Variants in DEFB1 observed in about 807,000 individuals in gnomAD.
DEFB1 encodes the protein beta-defensin 1.
A neutral mutation model predicts 2.6 loss-of-function variants in DEFB1; 4 were observed. That is an observed-to-expected ratio of 1.53 (90% CI 0.76 to 3.51). The LOEUF is 3.51. Ranked by LOEUF, DEFB1 falls within the 30% of genes most tolerant of loss-of-function variation. The pLI is 0.01. For missense variants in DEFB1, 162 were observed against 76.9 expected (o/e 2.11, Z -4.14); for synonymous variants, 56 against 28.5 (o/e 1.96, Z -3.07).
chr8:6,873,092 G>T (rs1161117786), intron 1 of DEFB1, among the ~76,000 whole-genome samples: 1 of 152,214 alleles, frequency 6.6e-6, no homozygotes, highest in Non-Finnish European at 1.5e-5. Flanking sequence ...AAGCAGAGGA[G>T]GCCCAAATTT....
At chr8:6,875,570 C>T (rs1312721039) in intron 1 of DEFB1, among the ~76,000 whole-genome samples, 2 of 152,188 alleles carry the variant, frequency 1.3e-5, no homozygotes, top group African/African-American at 4.8e-5. Flanking sequence ...TGAGCTATTG[C>T]TACACTCACC....
At chr8:6,873,716 G>T (rs1452297894) in intron 1 of DEFB1, among the ~76,000 whole-genome samples, 5 of 149,042 alleles carry the variant, frequency 3.4e-5, no homozygotes, top group Non-Finnish European at 6.0e-5. Flanking sequence ...TAACTGTGGG[G>T]TACTATGCTC....
At chr8:6,876,507 C>A (rs1806535396) in intron 1 of DEFB1, among the ~76,000 whole-genome samples, 2 of 151,298 alleles carry the variant, frequency 1.3e-5, no homozygotes, top group African/African-American at 4.9e-5. Flanking sequence ...AACAAAAAAA[C>A]ACGGTAGGCT....
rs1428966679 is a variant in DEFB1 at position 6,877,899 on chromosome 8, G to T, written c.-42C>A. The T allele has an allele frequency of 6.3e-7, 1 of 1,597,694 alleles. No individual in the cohort carries two copies. Among genetic ancestry groups the T allele is most frequent in the Non-Finnish European group, 8.6e-7 (1 of 1,165,230 alleles). ...CACCCAGGATTTCAGGAACTGGGGA[G>T]ACGCTGGCTCCTTTGGAGGCTGAGC... On this transcript the variant is annotated 5_prime_UTR_variant, in exon 1 of 2. Coordinates refer to ENST00000297439, the MANE Select transcript of DEFB1 (RefSeq NM_005218.4).
At chr8:6,872,925 C>T (rs902326234) in intron 1 of DEFB1, among the ~76,000 whole-genome samples, 1 of 152,164 alleles carries the variant, frequency 6.6e-6, no homozygotes, top group African/African-American at 2.4e-5. Context: ...CCAACCCACA[C>T]TGCGAAAGAT....
Position 6,871,015 on chromosome 8 carries a change from C to G in DEFB1, c.62-189G>C, listed in dbSNP as rs546306383. Among the ~76,000 whole-genome samples the G allele has an allele frequency of 6.6e-5, 10 of 152,344 alleles. No individual in the cohort carries two copies. The South Asian group carries it at 2.1e-3, about 32-fold the overall frequency. On this transcript the variant is annotated intron_variant, in intron 1 of 1. Transcript: ENST00000297439. ...TCTGAACAGCTTACTCAGTCTGGGG[C>G]TATGCCAGCTGTGGCCAAATACAAG...
chr8:6,877,671 C>T, intron 1 of DEFB1, 126 bp downstream of exon 1: 1 of 851,038 alleles, frequency 1.2e-6, no homozygotes, highest in Non-Finnish European at 1.9e-6. Context: ...GCCACTCAAC[C>T]ACGGGATGCT....
Position 6,877,864 on chromosome 8 carries a change from T to A in DEFB1, c.-7A>T, listed in dbSNP as rs1374562568. The stretch of plus-strand genomic sequence containing the variant: ...GAAGGTAGGAAGTTCTCATGGCGAC[T>A]GGCAGGCAACACCCAGGATTTCAGG... On this transcript the variant is annotated 5_prime_UTR_variant, in exon 1 of 2. Transcript: ENST00000297439. 2 of 1,613,782 alleles carry A rather than the reference T, an allele frequency of 1.2e-6. No individual in the cohort carries two copies. Among genetic ancestry groups the A allele is most frequent in the Non-Finnish European group, 1.7e-6 (2 of 1,179,858 alleles).
At position 6,870,854 on chromosome 8, in the gene DEFB1, G is replaced by A. The variant is rs370588558; in HGVS notation, c.62-28C>T. ...GTAAGGAGGGAACACAAACACTTCA[G>A]ACTCATGGCTTGTAGCTGCAACGAT... On this transcript the variant is annotated intron_variant, in intron 1 of 1. Coordinates refer to ENST00000297439, the MANE Select transcript of DEFB1 (RefSeq NM_005218.4). 7.6e-6 allele frequency: 12 copies of A among 1,588,078 alleles called. No homozygotes were observed. In the East Asian group the frequency reaches 2.7e-4, roughly 36 times the overall value.
At chr8:6,876,645 A>T (rs1806539869) in intron 1 of DEFB1, among the ~76,000 whole-genome samples, 1 of 151,960 alleles carries the variant, frequency 6.6e-6, no homozygotes. Flanking sequence ...AAAAATAAAA[A>T]TAAAAAAATT....
At chr8:6,875,468 G>A (rs1224071308) in intron 1 of DEFB1, among the ~76,000 whole-genome samples, 2 of 151,942 alleles carry the variant, frequency 1.3e-5, no homozygotes, top group East Asian at 3.9e-4. Flanking sequence ...AAGACAAACA[G>A]GTATTTTACA....
rs1806279737 is a variant in DEFB1, at chr8:6,870,746, C to T, written c.142G>A (p.Ala48Thr). ...TGAATTTTGGTAAAGATCGGGCAGGCAGAATAGAGACATTGCCCTCCACTG... is the reference window on the plus strand; with the variant it reads ...TGAATTTTGGTAAAGATCGGGCAGGTAGAATAGAGACATTGCCCTCCACTG... Reference protein sequence around the residue: ...VSSGGQCLYSACPIFTKIQGT... With the variant: ...VSSGGQCLYSTCPIFTKIQGT... Residue 48 changes from alanine to threonine, a missense_variant, in exon 2 of 2, where the codon GCC (alanine) becomes ACC (threonine). By Grantham distance (58) the Ala-to-Thr change is moderately conservative. Transcript: ENST00000297439. The T allele has an allele frequency of 1.2e-6, 2 of 1,614,226 alleles. No individual in the cohort carries two copies. The highest frequency in any genetic ancestry group is 1.1e-5 in the South Asian group (1 of 91,086).
intron 1 of DEFB1, among the ~76,000 whole-genome samples, chr8:6,875,515 G>T (rs1178541024): frequency 6.6e-6 from 1 of 151,994 alleles, no homozygotes; most frequent in Non-Finnish European, 1.5e-5. Flanking sequence ...TGTATAAAAG[G>T]GCCCAACTTA....
chr8:6,872,560 C>G (rs1806361575), intron 1 of DEFB1, among the ~76,000 whole-genome samples: 1 of 152,092 alleles, frequency 6.6e-6, no homozygotes, highest in South Asian at 2.1e-4. Context: ...GGCCCGGAAA[C>G]CAGGCATTGA....
At chr8:6,875,064 CCACA>C (rs61101914) in intron 1 of DEFB1, among the ~76,000 whole-genome samples, 30,999 of 135,348 alleles carry the variant, frequency 0.23, 3,494 homozygotes, top group East Asian at 0.43. Context: ...CATACCGAAG[CCACA>C]CACACACACA....
In DEFB1 at chr8:6,874,526, G is replaced by A. The variant is rs535443488; in HGVS notation, c.61+3271C>T. On this transcript the variant is annotated intron_variant, in intron 1 of 1. Coordinates refer to ENST00000297439, the MANE Select transcript of DEFB1 (RefSeq NM_005218.4). Reference sequence around the variant, plus strand: ...TTGCTTTACTGTATTTCAAGACTAAGTGTAGAGCGTCTGTAATTAAGGCAA... The same window carrying A: ...TTGCTTTACTGTATTTCAAGACTAAATGTAGAGCGTCTGTAATTAAGGCAA... Among the ~76,000 whole-genome samples the A allele has an allele frequency of 3.0e-4, 45 of 152,336 alleles. No homozygotes were observed. In the South Asian group the frequency reaches 9.3e-3, roughly 32 times the overall value.
chr8:6,871,888 G>A (rs1806333679), intron 1 of DEFB1, among the ~76,000 whole-genome samples: 2 of 152,134 alleles, frequency 1.3e-5, no homozygotes, highest in Admixed American at 1.3e-4. Flanking sequence ...TCTGTTTATG[G>A]GCAGTTTAAA....
rs1800971 is a variant in DEFB1 at position 6,870,594 on chromosome 8, T to C, written c.*87A>G. The C allele has an allele frequency of 0.032, 48,251 of 1,531,124 alleles. 2,328 individuals carry two copies. Among genetic ancestry groups the C allele is most frequent in the African/African-American group, 0.22 (15,978 of 72,626 alleles). The allele number at this position is 1,531,124 out of a possible 1,614,324, so 94.8% of individuals were successfully genotyped here. On this transcript the variant is annotated 3_prime_UTR_variant, in exon 2 of 2. Coordinates refer to ENST00000297439, the MANE Select transcript of DEFB1 (RefSeq NM_005218.4). ...GATTCATTTTGGCCCAAAGGAGGTA[T>C]ACTTCAAAAGCAATTTTCCTTTATT...
intron 1 of DEFB1, among the ~76,000 whole-genome samples, chr8:6,873,679 GA>G (rs35269640): frequency 0.18 from 26,856 of 152,144 alleles, 2,582 homozygotes; most frequent in Admixed American, 0.24. Flanking sequence ...TACTAGAGGG[GA>G]AAGGAGGCAG....
Sources: allele counts gnomAD v4.1 joint callset (sites outside exome capture counted in the v4.1 genomes callset), GRCh38; gene constraint gnomAD v4.1.1; transcripts MANE v1.5; gene names NCBI Gene and HGNC (gene_info 2026-07-23, HGNC 2026-07-21).